Variants in DRC11 observed in about 807,000 individuals in gnomAD.
DRC11 encodes IQ and AAA domain-containing protein 1.
At chr2:236,416,723 A>ATATATATATATATATATATATATTTT in the DRC11 span, among the ~76,000 whole-genome samples, 5 of 10,658 alleles carry the variant, frequency 4.7e-4, no homozygotes, top group Non-Finnish European at 8.4e-4. Context: ...ATATATATTT[A>ATATATATATATATATATATATATTTT]TATATATATA....
At chr2:236,392,900 C>A in the DRC11 span, among the ~76,000 whole-genome samples, 1 of 152,188 alleles carries the variant, frequency 6.6e-6, no homozygotes, top group Non-Finnish European at 1.5e-5. This position sits in a 1 kb window ranked among gnomAD's most constrained non-coding sequence, Gnocchi z 5.1. Context: ...TTTTTGAAAT[C>A]ACACATATTT....
the DRC11 span, among the ~76,000 whole-genome samples, chr2:236,494,968 A>T: frequency 1.3e-5 from 2 of 152,254 alleles, no homozygotes; most frequent in African/African-American, 4.8e-5. The surrounding 1 kb of genome is among the most constrained non-coding windows in gnomAD (Gnocchi z 4.2). Context: ...TAACAAGCAC[A>T]TTCAAGTGTG....
At chr2:236,431,229 C>T in the DRC11 span, among the ~76,000 whole-genome samples, 617 of 152,278 alleles carry the variant, frequency 4.1e-3, 5 homozygotes, top group African/African-American at 0.014. The surrounding 1 kb of genome is among the most constrained non-coding windows in gnomAD (Gnocchi z 4.2). Context: ...AGTCCATTCT[C>T]ATGCTGGTAT....
the DRC11 span, among the ~76,000 whole-genome samples, chr2:236,422,792 C>G: frequency 1.3e-5 from 2 of 152,126 alleles, no homozygotes; most frequent in African/African-American, 2.4e-5. Flanking sequence ...CACTACCTGA[C>G]TTCAAACTAT....
At chr2:236,454,962 ATTC>A in the DRC11 span, 1 of 152,188 alleles carries the variant, frequency 6.6e-6, no homozygotes, top group African/African-American at 2.4e-5. The surrounding 1 kb of genome is among the most constrained non-coding windows in gnomAD (Gnocchi z 5.3). Context: ...AAATCCCGCA[ATTC>A]TTCTCCTTCT....
chr2:236,446,950 T>A, the DRC11 span, among the ~76,000 whole-genome samples: 2 of 147,990 alleles, frequency 1.4e-5, no homozygotes, highest in Admixed American at 1.3e-4. This position sits in a 1 kb window ranked among gnomAD's most constrained non-coding sequence, Gnocchi z 6.2. Flanking sequence ...TCCCACCTCA[T>A]GCTCCTGGGG....
At chr2:236,355,167 C>G in the DRC11 span, among the ~76,000 whole-genome samples, 1 of 152,196 alleles carries the variant, frequency 6.6e-6, no homozygotes, top group Admixed American at 6.5e-5. Flanking sequence ...GCAGAGGCCT[C>G]GTTGGCCGTA....
At chr2:236,340,949 C>T in the DRC11 span, among the ~76,000 whole-genome samples, 6 of 152,220 alleles carry the variant, frequency 3.9e-5, no homozygotes, top group African/African-American at 7.2e-5. Context: ...AGTGCAGAGC[C>T]GTCTGTTATG....
the DRC11 span, chr2:236,331,868 A>G: frequency 4.6e-6 from 2 of 437,024 alleles, no homozygotes; most frequent in South Asian, 3.4e-5. The surrounding 1 kb of genome is among the most constrained non-coding windows in gnomAD (Gnocchi z 4.8). Context: ...AACCACCGTC[A>G]GTATAGTTTT....
the DRC11 span, among the ~76,000 whole-genome samples, chr2:236,497,892 T>C: frequency 6.6e-6 from 1 of 152,236 alleles, no homozygotes; most frequent in African/African-American, 2.4e-5. This position sits in a 1 kb window ranked among gnomAD's most constrained non-coding sequence, Gnocchi z 5.1. Context: ...CATTTTCTTA[T>C]TAAGTTGAAC....
chr2:236,357,642 A>AAATATAC, the DRC11 span, among the ~76,000 whole-genome samples: 3 of 122,864 alleles, frequency 2.4e-5, no homozygotes, highest in African/African-American at 9.9e-5. Context: ...TATAATATGT[A>AAATATAC]AATATATAAA....
chr2:236,383,633 ATT>A, the DRC11 span, among the ~76,000 whole-genome samples: 659 of 122,652 alleles, frequency 5.4e-3, 9 homozygotes, highest in African/African-American at 0.017. Flanking sequence ...TTGTGTGGTC[ATT>A]TTTTTTTTTT....
chr2:236,350,355 A>G, the DRC11 span, among the ~76,000 whole-genome samples: 61,463 of 152,054 alleles, frequency 0.4, 12,971 homozygotes, highest in African/African-American at 0.5. This position sits in a 1 kb window ranked among gnomAD's most constrained non-coding sequence, Gnocchi z 5.2. Context: ...AGGGTTGTAC[A>G]GGGCACTCTG....
the DRC11 span, among the ~76,000 whole-genome samples, chr2:236,416,766 T>TATAA: frequency 9.6e-6 from 1 of 104,410 alleles, no homozygotes; most frequent in Non-Finnish European, 1.9e-5. Flanking sequence ...TATATATATA[T>TATAA]ATAAATAATT....
chr2:236,343,782 AAAT>A, the DRC11 span: 1 of 1,293,418 alleles, frequency 7.7e-7, no homozygotes, highest in Admixed American at 2.3e-5. The surrounding 1 kb of genome is among the most constrained non-coding windows in gnomAD (Gnocchi z 6.6). Context: ...GTCCCAGATT[AAAT>A]AATAAATGAG....
the DRC11 span, among the ~76,000 whole-genome samples, chr2:236,321,606 C>T: frequency 6.6e-6 from 1 of 152,200 alleles, no homozygotes; most frequent in Non-Finnish European, 1.5e-5. Flanking sequence ...AAAGGGCCCT[C>T]TGATCCATGG....
chr2:236,334,183 G>A, the DRC11 span, among the ~76,000 whole-genome samples: 1 of 152,230 alleles, frequency 6.6e-6, no homozygotes, highest in East Asian at 1.9e-4. The surrounding 1 kb of genome is among the most constrained non-coding windows in gnomAD (Gnocchi z 7.8). Flanking sequence ...CTTCCTTCCT[G>A]CAGCTGATGA....
the DRC11 span, among the ~76,000 whole-genome samples, chr2:236,429,392 G>A: frequency 2.0e-5 from 3 of 152,348 alleles, no homozygotes; most frequent in African/African-American, 7.2e-5. This position sits in a 1 kb window ranked among gnomAD's most constrained non-coding sequence, Gnocchi z 5.9. Flanking sequence ...TGAGCTGGAG[G>A]GGTGCATGCA....
chr2:236,333,955 C>T, the DRC11 span, among the ~76,000 whole-genome samples: 6 of 152,168 alleles, frequency 3.9e-5, no homozygotes, highest in Non-Finnish European at 7.3e-5. This position sits in a 1 kb window ranked among gnomAD's most constrained non-coding sequence, Gnocchi z 6.0. Flanking sequence ...CATGTAAACC[C>T]GCTGCTGCCC....
Sources: gnomAD v4.1 joint callset for allele counts (sites outside exome capture counted in the v4.1 genomes callset) on GRCh38, gnomAD v4.1.1 for gene constraint, Gnocchi (gnomAD v3.1) non-coding constraint, MANE v1.5 for transcripts, NCBI Gene and HGNC (gene_info 2026-07-23, HGNC 2026-07-21) for gene names.